PLEKHG7: variants seen among roughly 807,000 people sequenced by gnomAD.
The protein encoded by PLEKHG7 is pleckstrin homology domain-containing family G member 7.
PLEKHG7 carries 77 observed loss-of-function variants against 85.2 expected under a neutral mutation model. The ratio of observed to expected loss-of-function variants is 0.90; its 90% CI spans 0.75 to 1.09. The LOEUF (loss-of-function observed/expected upper bound fraction) is 1.09, where lower values mean the gene tolerates loss of function less well. Among genes scored for constraint, PLEKHG7 ranks in the 50% least tolerant of loss-of-function variants. The pLI, the probability that PLEKHG7 is intolerant of heterozygous loss-of-function variation, is 0.00. For missense variants in PLEKHG7, 777 were observed against 804.3 expected (o/e 0.97, Z 0.41); for synonymous variants, 301 against 302.4 (o/e 1.00, Z 0.05).
intron 15 of PLEKHG7, among the ~76,000 whole-genome samples, chr12:92,766,738 G>A (rs534212138): frequency 1.2e-4 from 19 of 152,250 alleles, no homozygotes; most frequent in African/African-American, 4.1e-4. Flanking sequence ...ACAAAGGCAC[G>A]AGAATCACTT....
chr12:92,729,093 T>C lies in PLEKHG7; in HGVS notation c.631T>C (p.Cys211Arg), dbSNP rs921389896. The C allele has an allele frequency of 6.5e-6, 8 of 1,231,730 alleles. No homozygotes were observed. The highest frequency in any genetic ancestry group is 8.1e-6 in the Non-Finnish European group (8 of 987,786). The allele number at this position is 1,231,730 out of a possible 1,614,324, so 76.3% of individuals were successfully genotyped here. A position where few individuals can be genotyped will look rare whatever the true frequency, so the allele number is the denominator to read the frequency against. The change falls in exon 4 of 17, where the codon TGC becomes CGC. Residue 211 changes from cysteine (C) to arginine (R), a missense_variant. Cys to Arg is a radical substitution (Grantham distance 180, BLOSUM62 -3). Coordinates refer to ENST00000344636, the MANE Select transcript of PLEKHG7 (RefSeq NM_001377329.1). ...LVSDGAADYL[C>R]HPLLLLNSES... ...GTCAGATGGAGCTGCTGATTACCTA[T>C]GCCATCCACTTCTGCTGCTGAATTC...
chr12:92,736,377 C>G (rs1048996213), intron 5 of PLEKHG7, 105 bp from the exon 6 acceptor site: 5 of 656,656 alleles, frequency 7.6e-6, no homozygotes, highest in Non-Finnish European at 1.1e-5. Context: ...TATGCCATCT[C>G]TTATCATGAA....
chr12:92,769,816 G>C (rs1305167094), intron 16 of PLEKHG7, among the ~76,000 whole-genome samples: 2 of 152,086 alleles, frequency 1.3e-5, no homozygotes, highest in Non-Finnish European at 2.9e-5. Flanking sequence ...TTTCTAATGA[G>C]TTATCATTGA....
rs1193226918 is a variant in PLEKHG7 at position 92,771,111 on chromosome 12, T to A, written c.*916T>A. 1.3e-5 allele frequency: 2 copies of A among 152,046 alleles called. No individual in the cohort carries two copies. Among genetic ancestry groups the A allele is most frequent in the Non-Finnish European group, 2.9e-5 (2 of 67,968 alleles). The allele number at this position is 152,046 out of a possible 1,614,324, so 9.4% of individuals were successfully genotyped here. ...TGAAAGGCAGTTTGAATAATTATTA[T>A]CATGGCAGGATATATACTATTAACT... On this transcript the variant is annotated 3_prime_UTR_variant, in exon 17 of 17. Transcript: ENST00000344636.
intron 1 of PLEKHG7, 43 bp from the exon 2 acceptor site, chr12:92,706,428 C>G: frequency 1.7e-6 from 1 of 572,010 alleles, no homozygotes; most frequent in Non-Finnish European, 2.9e-6. Context: ...TGCAGTCTCC[C>G]TCATTTGCTA....
At chr12:92,749,971 A>T (rs56323330) in intron 10 of PLEKHG7, among the ~76,000 whole-genome samples, 39,578 of 69,098 alleles carry the variant, frequency 0.57, 8,426 homozygotes, top group East Asian at 0.89. Flanking sequence ...TTTATTTTAT[A>T]TTTTATTTTA....
rs191804309 is a variant in PLEKHG7 at position 92,708,047 on chromosome 12, C to T, written c.530+375C>T. The T allele has an allele frequency of 1.1e-4, 31 of 270,846 alleles. No homozygotes were observed. In the East Asian group the frequency reaches 2.1e-3, roughly 18 times the overall value. 16.8% of individuals were successfully genotyped at this position (270,846 alleles called of 1,614,324 possible). ...AAATTTGGAGGATAAAAGAAAGGAACAAGATGTCCTGGTTAAATCTAGGGT... is the reference window on the plus strand; with the variant it reads ...AAATTTGGAGGATAAAAGAAAGGAATAAGATGTCCTGGTTAAATCTAGGGT... On this transcript the variant is annotated intron_variant, in intron 3 of 16. Coordinates refer to ENST00000344636, the MANE Select transcript of PLEKHG7 (RefSeq NM_001377329.1).
chr12:92,762,706 A>C (rs1873075387), intron 14 of PLEKHG7, among the ~76,000 whole-genome samples: 1 of 152,206 alleles, frequency 6.6e-6, no homozygotes, highest in Non-Finnish European at 1.5e-5. Context: ...CAACAGTCAG[A>C]GATACCTAAT....
intron 3 of PLEKHG7, among the ~76,000 whole-genome samples, chr12:92,713,912 C>T (rs1417037569): frequency 1.3e-5 from 2 of 152,146 alleles, no homozygotes; most frequent in Non-Finnish European, 2.9e-5. Flanking sequence ...ATTTAGTGGG[C>T]CCAAATCAAT....
chr12:92,725,781 AT>A (rs1385638184), intron 3 of PLEKHG7, among the ~76,000 whole-genome samples: 3 of 152,308 alleles, frequency 2.0e-5, no homozygotes, highest in African/African-American at 7.2e-5. Flanking sequence ...TTTGAAAAAA[AT>A]TTTGGCAAAG....
intron 13 of PLEKHG7, among the ~76,000 whole-genome samples, chr12:92,756,602 G>A (rs1872841301): frequency 6.6e-6 from 1 of 152,162 alleles, no homozygotes; most frequent in African/African-American, 2.4e-5. Flanking sequence ...TTTTCTCTCT[G>A]TAATGGGATA....
At position 92,756,364 on chromosome 12, in the gene PLEKHG7, C is replaced by G. The variant is rs767681111; in HGVS notation, c.1609C>G (p.Leu537Val). 7.4e-6 allele frequency: 12 copies of G among 1,612,682 alleles called. No individual in the cohort carries two copies. The highest frequency in any genetic ancestry group is 1.6e-4 in the Middle Eastern group (1 of 6,074). Residue 537 changes from leucine to valine, a missense_variant, in exon 13 of 17, where the codon CTC (leucine) becomes GTC (valine). Transcript: ENST00000344636. ...CTTGTCACCAACCAGCAGACACCTT[C>G]TCTATGAAGGAAAATTAACTCTTGC... ...NILSPTSRHL[L>V]YEGKLTLAES... is the part of the protein sequence containing the mutation.
Position 92,706,867 on chromosome 12 carries a change from G to A in PLEKHG7, c.236G>A (p.Gly79Asp). 2 of 1,613,896 alleles carry A rather than the reference G, an allele frequency of 1.2e-6. No homozygotes were observed. Among genetic ancestry groups the A allele is most frequent in the Non-Finnish European group, 1.7e-6 (2 of 1,180,006 alleles). ...TTWGSWGAPV[G>D]FPCYLSKSLP... is the part of the protein sequence containing the mutation. ...TGGGGAAGCTGGGGAGCTCCTGTGG[G>A]CTTCCCATGTTACCTTTCGAAGAGC... Residue 79 changes from glycine (G) to aspartate (D), a missense_variant, in exon 2 of 17, where the codon GGC (glycine) becomes GAC (aspartate). Coordinates refer to ENST00000344636, the MANE Select transcript of PLEKHG7 (RefSeq NM_001377329.1).
intron 15 of PLEKHG7, among the ~76,000 whole-genome samples, chr12:92,765,138 A>T (rs1012435883): frequency 7.2e-5 from 11 of 152,164 alleles, no homozygotes; most frequent in African/African-American, 2.7e-4. Context: ...GAATGAATGA[A>T]TATACAAACA....
chr12:92,754,925 T>C (rs576669088), intron 11 of PLEKHG7, among the ~76,000 whole-genome samples: 2 of 152,246 alleles, frequency 1.3e-5, no homozygotes, highest in East Asian at 3.9e-4. Flanking sequence ...AAAAGTAAAA[T>C]GATACTGCCT....
At chr12:92,736,099 C>A (rs753620243) in intron 5 of PLEKHG7, among the ~76,000 whole-genome samples, 2 of 152,116 alleles carry the variant, frequency 1.3e-5, no homozygotes, top group African/African-American at 2.4e-5. Flanking sequence ...GTCTGAGGTA[C>A]CTTCTGATGT....
intron 3 of PLEKHG7, chr12:92,708,047 C>G (rs191804309): frequency 3.7e-6 from 1 of 270,730 alleles, no homozygotes; most frequent in Non-Finnish European, 7.0e-6. Flanking sequence ...AAGAAAGGAA[C>G]AAGATGTCCT....
rs369244708 is a variant in PLEKHG7 at position 92,758,024 on chromosome 12, C to T, written c.1636+1633C>T. 2.0e-3 allele frequency among the ~76,000 whole-genome samples: 301 copies of T among 152,262 alleles called. 2 individuals are homozygous for T. The highest frequency in any genetic ancestry group is 6.8e-3 in the African/African-American group (282 of 41,546). Reference sequence around the variant, plus strand: ...CATTTTTAACATGTGGTCAACCCACCCCCCACTTTCATTTGAAAACATAAC... The same window carrying T: ...CATTTTTAACATGTGGTCAACCCACTCCCCACTTTCATTTGAAAACATAAC... On this transcript the variant is annotated intron_variant, in intron 13 of 16. Coordinates refer to ENST00000344636, the MANE Select transcript of PLEKHG7 (RefSeq NM_001377329.1).
At chr12:92,735,565 G>T (rs1022873488) in intron 5 of PLEKHG7, among the ~76,000 whole-genome samples, 3 of 152,216 alleles carry the variant, frequency 2.0e-5, no homozygotes, top group Non-Finnish European at 2.9e-5. Flanking sequence ...ACATTCATTT[G>T]AAATGCAGCC....
Sources: gnomAD v4.1 joint callset for allele counts (sites outside exome capture counted in the v4.1 genomes callset) on GRCh38, gnomAD v4.1.1 for gene constraint, MANE v1.5 for transcripts, NCBI Gene and HGNC (gene_info 2026-07-23, HGNC 2026-07-21) for gene names.